PDSS1: variants seen among roughly 807,000 people sequenced by gnomAD.
PDSS1 encodes all trans-polyprenyl-diphosphate synthase PDSS1.
PDSS1 carries 43 observed loss-of-function variants against 57.5 expected under a neutral mutation model. That is an observed-to-expected ratio of 0.75 (90% CI 0.59 to 0.96). The LOEUF (loss-of-function observed/expected upper bound fraction) is 0.96. PDSS1 is among the 50% of genes least tolerant of loss of function. PDSS1 has a pLI of 0.00. For missense variants in PDSS1, 438 were observed against 527.8 expected (o/e 0.83, Z 1.67); for synonymous variants, 175 against 191.3 (o/e 0.91, Z 0.70).
At chr10:26,717,734 A>G (rs1835640121) in intron 5 of PDSS1, 1 of 152,158 alleles carries the variant, frequency 6.6e-6, no homozygotes, top group African/African-American at 2.4e-5. Flanking sequence ...TTCTGAATGC[A>G]TGAGAAAGGC....
intron 8 of PDSS1, among the ~76,000 whole-genome samples, chr10:26,728,758 T>A (rs1836053366): frequency 6.7e-6 from 1 of 150,100 alleles, no homozygotes; most frequent in South Asian, 2.1e-4. Context: ...TCTTGGATTC[T>A]TATTTTATTC....
chr10:26,743,286 C>T (rs1434600136), intron 11 of PDSS1, among the ~76,000 whole-genome samples: 1 of 152,182 alleles, frequency 6.6e-6, no homozygotes, highest in Non-Finnish European at 1.5e-5. Flanking sequence ...AGTTCACTGT[C>T]ATTTGCAGCC....
chr10:26,728,579 ATAT>A (rs1444844571), intron 8 of PDSS1, among the ~76,000 whole-genome samples: 1 of 151,998 alleles, frequency 6.6e-6, no homozygotes, highest in Non-Finnish European at 1.5e-5. Context: ...GATTATGTAA[ATAT>A]TATTCTGATG....
chr10:26,728,137 C>T (rs952487185), intron 8 of PDSS1, among the ~76,000 whole-genome samples: 13 of 152,050 alleles, frequency 8.5e-5, no homozygotes, highest in African/African-American at 3.1e-4. Flanking sequence ...GGGCAGATTA[C>T]CTGAGGTCAA....
At chr10:26,702,974 C>G (rs1835094328) in intron 2 of PDSS1, among the ~76,000 whole-genome samples, 1 of 152,198 alleles carries the variant, frequency 6.6e-6, no homozygotes, top group South Asian at 2.1e-4. Flanking sequence ...CCTCTCACCT[C>G]CCTTTGAAAA....
At chr10:26,735,663 C>T (rs1214625991) in intron 10 of PDSS1, 84 bp downstream of exon 10, 1 of 801,428 alleles carries the variant, frequency 1.2e-6, no homozygotes, top group African/African-American at 1.7e-5. Flanking sequence ...GGGAAGATTG[C>T]ATAAAGGAAT....
intron 8 of PDSS1, among the ~76,000 whole-genome samples, chr10:26,724,476 C>G (rs999844247): frequency 1.3e-5 from 2 of 152,212 alleles, no homozygotes; most frequent in African/African-American, 2.4e-5. Flanking sequence ...GACACTTCAC[C>G]TTTTAGAAAT....
rs983845364 is a variant in PDSS1 at position 26,711,636 on chromosome 10, G to A, written c.467+1868G>A. On this transcript the variant is annotated intron_variant, in intron 5 of 11. Transcript: ENST00000376215. ...CTCCTGCAGTCCAGAGCAGAGTTCC[G>A]CAGCCTCGGGACTGTTGAAATTTTG... Among the ~76,000 whole-genome samples the A allele has an allele frequency of 5.7e-4, 56 of 98,086 alleles. 21 individuals carry two copies. Among genetic ancestry groups the A allele is most frequent in the East Asian group, 4.3e-3 (17 of 3,998 alleles). 64.3% of individuals were successfully genotyped at this position (98,086 alleles called of 152,430 possible). A position where few individuals can be genotyped will look rare whatever the true frequency, so the allele number is the denominator to read the frequency against.
chr10:26,739,277 CCA>C (rs937920958), intron 10 of PDSS1, among the ~76,000 whole-genome samples: 4 of 152,166 alleles, frequency 2.6e-5, no homozygotes, highest in Non-Finnish European at 5.9e-5. Flanking sequence ...CCCGATTTAT[CCA>C]CAGGTGGTTT....
chr10:26,721,345 T>C (rs1001161668), intron 6 of PDSS1, among the ~76,000 whole-genome samples: 10 of 150,146 alleles, frequency 6.7e-5, no homozygotes, highest in Non-Finnish European at 1.0e-4. Context: ...CACCCTCACC[T>C]CCTTTTCTCT....
In PDSS1 at chr10:26,709,849, C is replaced by T. The variant is rs904954433; in HGVS notation, c.467+81C>T. ...CGGGGTTACTTACTGTTTCATTTCC[C>T]ATTTAAGAATTAGCATATACCGGCT... is the stretch of plus-strand genomic sequence containing the variant. On this transcript the variant is annotated intron_variant, in intron 5 of 11. Transcript: ENST00000376215. 3 of 1,462,092 alleles carry T rather than the reference C, an allele frequency of 2.1e-6. No homozygotes were observed. The African/African-American group carries it at 4.2e-5, about 20-fold the overall frequency. The allele number at this position is 1,462,092 out of a possible 1,614,324, so 90.6% of individuals were successfully genotyped here.
chr10:26,698,431 C>T (rs7082973), intron 1 of PDSS1, among the ~76,000 whole-genome samples: 2,105 of 152,220 alleles, frequency 0.014, 49 homozygotes, highest in African/African-American at 0.049. Context: ...AGGAGAAAGG[C>T]CCGAGGCCGT....
At chr10:26,742,698 T>C (rs1238790527) in intron 11 of PDSS1, 121 bp downstream of exon 11, 1 of 699,654 alleles carries the variant, frequency 1.4e-6, no homozygotes, top group Non-Finnish European at 2.6e-6. Context: ...GGTCAACTCT[T>C]GATGTGACAA....
chr10:26,741,445 T>G (rs892096355), intron 10 of PDSS1, among the ~76,000 whole-genome samples: 14 of 151,852 alleles, frequency 9.2e-5, no homozygotes, highest in Admixed American at 5.9e-4. Context: ...GTCGTGCCAC[T>G]GCACCACTCC....
chr10:26,722,312 A>C (rs1835814917), intron 6 of PDSS1, among the ~76,000 whole-genome samples: 1 of 152,266 alleles, frequency 6.6e-6, no homozygotes, highest in South Asian at 2.1e-4. Flanking sequence ...CACAATGAAC[A>C]TCACTGTTTA....
In PDSS1 at chr10:26,710,597, C is replaced by A. The variant is rs1222957750; in HGVS notation, c.467+829C>A. Among the ~76,000 whole-genome samples, 3 of 95,590 alleles carry A rather than the reference C, an allele frequency of 3.1e-5. 1 individual carries two copies. Among genetic ancestry groups the A allele is most frequent in the African/African-American group, 1.0e-4 (3 of 29,116 alleles). 62.7% of individuals were successfully genotyped at this position (95,590 alleles called of 152,430 possible). A position where few individuals can be genotyped will look rare whatever the true frequency, so the allele number is the denominator to read the frequency against. On this transcript the variant is annotated intron_variant, in intron 5 of 11. Transcript: ENST00000376215. The stretch of plus-strand genomic sequence containing the variant: ...TCATGTGATCCACCCACCTTGGCCT[C>A]CCAAAGTGCTGGGATTACAGGCGTG...
intron 5 of PDSS1, chr10:26,714,654 C>T (rs553169090): frequency 2.6e-5 from 4 of 152,156 alleles, no homozygotes; most frequent in Non-Finnish European, 5.9e-5. Flanking sequence ...ACCATCCATT[C>T]CTGTGTGAAA....
chr10:26,704,608 G>A, intron 2 of PDSS1, 69 bp from the exon 3 acceptor site: 2 of 780,342 alleles, frequency 2.6e-6, no homozygotes, highest in South Asian at 1.4e-5. Context: ...AATTATGGGG[G>A]TTTTATCATC....
chr10:26,731,378 A>T (rs1043120473), intron 8 of PDSS1, among the ~76,000 whole-genome samples: 3 of 152,196 alleles, frequency 2.0e-5, no homozygotes, highest in Non-Finnish European at 2.9e-5. Context: ...AAATTTTTTT[A>T]AAAGCCTCTG....
Sources: allele counts gnomAD v4.1 joint callset (sites outside exome capture counted in the v4.1 genomes callset), GRCh38; gene constraint gnomAD v4.1.1; transcripts MANE v1.5; gene names NCBI Gene and HGNC (gene_info 2026-07-23, HGNC 2026-07-21).